The following CALN1 variants were observed in gnomAD, a reference collection of about 807,000 sequenced individuals.
CALN1 encodes the protein calcium-binding protein 8.
Under a neutral mutation model 30.6 loss-of-function variants are expected in CALN1, and 17 were observed. The ratio of observed to expected loss-of-function variants is 0.56; its 90% CI spans 0.38 to 0.83. The LOEUF (loss-of-function observed/expected upper bound fraction) is 0.83. Ranked by LOEUF, CALN1 falls within the 40% of genes least tolerant of loss-of-function variation. The pLI is 0.00. For synonymous variants in CALN1, 156 were observed against 131.4 expected (o/e 1.19, Z -1.28); for missense variants, 291 against 354.9 (o/e 0.82, Z 1.45).
intron 5 of CALN1, among the ~76,000 whole-genome samples, chr7:71,989,334 A>G (rs970569523): frequency 4.6e-5 from 7 of 151,946 alleles, no homozygotes; most frequent in African/African-American, 1.2e-4. Flanking sequence ...GCTACTCAGG[A>G]GGCTGAGGCA....
the CALN1 span, among the ~76,000 whole-genome samples, chr7:72,498,507 A>G: frequency 1.3e-5 from 2 of 152,156 alleles, no homozygotes; most frequent in South Asian, 4.1e-4. Context: ...TGGAGCCTGG[A>G]AGACAAGGAA....
chr7:72,140,275 TAAGAGAGA>T (rs1809805453), intron 3 of CALN1, among the ~76,000 whole-genome samples: 1 of 49,684 alleles, frequency 2.0e-5, no homozygotes, highest in African/African-American at 1.2e-4. Context: ...TGTCTCAAAA[TAAGAGAGA>T]GAGAGAGAGA....
chr7:71,889,490 A>G (rs894760733), intron 5 of CALN1, among the ~76,000 whole-genome samples: 1 of 152,164 alleles, frequency 6.6e-6, no homozygotes, highest in African/African-American at 2.4e-5. Flanking sequence ...GCTCTTTTAT[A>G]AAAACACCAG....
intron 2 of CALN1, among the ~76,000 whole-genome samples, chr7:72,309,011 C>A (rs898567478): frequency 6.6e-6 from 1 of 152,172 alleles, no homozygotes; most frequent in Non-Finnish European, 1.5e-5. Context: ...TATACCTTAT[C>A]CCCATTTTAT....
intron 2 of CALN1, among the ~76,000 whole-genome samples, chr7:72,306,510 T>A (rs1452425608): frequency 6.6e-6 from 1 of 152,050 alleles, no homozygotes; most frequent in African/African-American, 2.4e-5. Flanking sequence ...GATGTTTAAA[T>A]TTATGGTGTA....
chr7:72,177,406 A>G (rs1370985244), intron 3 of CALN1, among the ~76,000 whole-genome samples: 1 of 152,128 alleles, frequency 6.6e-6, no homozygotes, highest in Non-Finnish European at 1.5e-5. Flanking sequence ...GTTTTTGTTA[A>G]TTAATTTTTG....
intron 3 of CALN1, among the ~76,000 whole-genome samples, chr7:72,268,793 C>CCACA (rs3032247): frequency 0.18 from 26,871 of 145,696 alleles, 3,230 homozygotes; most frequent in East Asian, 0.58. Flanking sequence ...CAAGACCCTG[C>CCACA]CACACACACA....
At chr7:72,417,303 C>T (rs1251515443), upstream of CALN1, among the ~76,000 whole-genome samples, 1 of 152,206 alleles carries the variant, frequency 6.6e-6, no homozygotes, top group Non-Finnish European at 1.5e-5. Flanking sequence ...ATCCTGCCTC[C>T]CCCACTCCAC....
chr7:72,422,989 C>T (rs1441161808), intron 1 of CALN1, among the ~76,000 whole-genome samples: 12 of 151,722 alleles, frequency 7.9e-5, no homozygotes, highest in African/African-American at 2.9e-4. Flanking sequence ...ATTAGCCAGG[C>T]GTGGTCCCAG....
chr7:72,368,056 G>A (rs529481234), intron 2 of CALN1, among the ~76,000 whole-genome samples: 4 of 151,962 alleles, frequency 2.6e-5, no homozygotes, highest in Non-Finnish European at 4.4e-5. Flanking sequence ...GGGAGGCAGA[G>A]CTTGCAGTGA....
intron 4 of CALN1, among the ~76,000 whole-genome samples, chr7:72,055,403 G>C (rs1339489713): frequency 6.6e-6 from 1 of 152,090 alleles, no homozygotes. Flanking sequence ...ACTTAGAAAA[G>C]TTAAACATAA....
At chr7:71,907,209 CA>C (rs1794182939) in intron 5 of CALN1, among the ~76,000 whole-genome samples, 1 of 149,926 alleles carries the variant, frequency 6.7e-6, no homozygotes, top group Admixed American at 6.6e-5. Flanking sequence ...ATTGCTAAAT[CA>C]ATTTACTTTT....
intron 2 of CALN1, among the ~76,000 whole-genome samples, chr7:72,356,628 C>A (rs1167272286): frequency 6.6e-6 from 1 of 151,882 alleles, no homozygotes; most frequent in East Asian, 1.9e-4. Flanking sequence ...AAATTGGATA[C>A]ACCTAATAAT....
intron 3 of CALN1, among the ~76,000 whole-genome samples, chr7:72,125,799 C>CTTTTT (rs61475416): frequency 0.015 from 1,755 of 114,632 alleles, 75 homozygotes; most frequent in Middle Eastern, 0.044. Flanking sequence ...CTGTATCATT[C>CTTTTT]TTTTTTTTTT....
chr7:72,458,823 A>C, the CALN1 span, among the ~76,000 whole-genome samples: 1 of 132,514 alleles, frequency 7.5e-6, no homozygotes, highest in Non-Finnish European at 1.5e-5. Context: ...TATTTAATAT[A>C]CAATATAATA....
At chr7:71,829,914 C>G (rs1246100659) in intron 5 of CALN1, among the ~76,000 whole-genome samples, 2 of 152,142 alleles carry the variant, frequency 1.3e-5, no homozygotes, top group Non-Finnish European at 1.5e-5. Flanking sequence ...TTATGTGAAA[C>G]AGACAAGCAT....
intron 5 of CALN1, among the ~76,000 whole-genome samples, chr7:71,891,298 T>A (rs370096489): frequency 6.6e-6 from 1 of 152,240 alleles, no homozygotes; most frequent in East Asian, 1.9e-4. Context: ...CAAGTCACCA[T>A]GAATATTTTA....
chr7:72,410,703 C>A (rs73702937), intron 1 of CALN1, among the ~76,000 whole-genome samples: 4,157 of 152,228 alleles, frequency 0.027, 171 homozygotes, highest in African/African-American at 0.093. Flanking sequence ...GAACGGCTCA[C>A]AATTAAATTA....
intron 5 of CALN1, among the ~76,000 whole-genome samples, chr7:71,985,774 G>C (rs777438523): frequency 1.3e-5 from 2 of 151,666 alleles, no homozygotes; most frequent in African/African-American, 2.4e-5. Context: ...ATTTTTGATA[G>C]AGACAGGATT....
Sources: allele counts gnomAD v4.1 joint callset (sites outside exome capture counted in the v4.1 genomes callset), GRCh38; gene constraint gnomAD v4.1.1; transcripts MANE v1.5; gene names NCBI Gene and HGNC (gene_info 2026-07-23, HGNC 2026-07-21).